The following TKFC variants were observed in gnomAD, a reference collection of about 807,000 sequenced individuals.
TKFC encodes triokinase and FMN cyclase.
TKFC carries 46 observed loss-of-function variants against 61.0 expected under a neutral mutation model. The observed-to-expected ratio is 0.75, with a 90% CI of 0.60 to 0.96. TKFC has a LOEUF of 0.96. Among genes scored for constraint, TKFC ranks in the 50% least tolerant of loss-of-function variants. The probability of loss-of-function intolerance (pLI) is 0.00; values close to 1 mark genes in which losing one functional copy is unlikely to be tolerated. For synonymous variants in TKFC, 314 were observed against 330.1 expected (o/e 0.95, Z 0.53); for missense variants, 715 against 777.5 (o/e 0.92, Z 0.96).
chr11:61,349,959 T>C (rs934465336), downstream of TKFC: 7 of 471,556 alleles, frequency 1.5e-5, no homozygotes, highest in African/African-American at 1.4e-4. Flanking sequence ...ACCACATCCC[T>C]AGGAGTCTTA....
At position 61,348,016 on chromosome 11, in the gene TKFC, T is replaced by C. The variant is rs12292734; in HGVS notation, c.*1513T>C. On this transcript the variant is annotated 3_prime_UTR_variant, in exon 18 of 18. Coordinates refer to ENST00000394900, the MANE Select transcript of TKFC (RefSeq NM_015533.4). ...CCCCGTCACCTACTTGGCCCAAATTTGGCTGCAGGCTCCCCGAGTGCCTGG... is the reference window on the plus strand; with the variant it reads ...CCCCGTCACCTACTTGGCCCAAATTCGGCTGCAGGCTCCCCGAGTGCCTGG... 4,892 of 985,378 alleles carry C rather than the reference T, an allele frequency of 5.0e-3. 206 individuals carry two copies. The African/African-American group carries it at 0.08, about 16-fold the overall frequency. 61.0% of individuals were successfully genotyped at this position (985,378 alleles called of 1,614,324 possible).
In TKFC at chr11:61,338,331, C is replaced by T. The variant is rs367842895; in HGVS notation, c.193+201C>T. 2.8e-4 allele frequency among the ~76,000 whole-genome samples: 43 copies of T among 152,306 alleles called. 1 individual carries two copies. The highest frequency in any genetic ancestry group is 3.4e-3 in the Middle Eastern group (1 of 294). ...ATCTGTTTCTACATCTACAAATCTA[C>T]GAAGTTGGGCCAAACAATCTCTCAA... On this transcript the variant is annotated intron_variant, in intron 3 of 17. Transcript: ENST00000394900.
downstream of TKFC, chr11:61,349,466 A>C (rs1322844707): frequency 1.5e-6 from 1 of 689,336 alleles, no homozygotes; most frequent in Non-Finnish European, 2.7e-6. Flanking sequence ...GCCCTGATCC[A>C]GCAAGGAGAA....
chr11:61,343,181 G>A (rs556812715), intron 10 of TKFC, 161 bp from the exon 11 acceptor site: 9 of 675,990 alleles, frequency 1.3e-5, no homozygotes, highest in African/African-American at 9.0e-5. Context: ...TCCAGGGAAC[G>A]TGGTCATTTG....
chr11:61,344,212 T>G lies in TKFC; in HGVS notation c.1179T>G (p.Asn393Lys). 6.2e-7 allele frequency: 1 copy of G among 1,612,780 alleles called. No individual in the cohort carries two copies. Among genetic ancestry groups the G allele is most frequent in the East Asian group, 2.2e-5 (1 of 44,872 alleles). Residue 393 changes from asparagine to lysine, a missense_variant, in exon 13 of 18, where the codon AAT becomes AAG. By Grantham distance (94) the Asn-to-Lys change is moderately conservative. Coordinates refer to ENST00000394900, the MANE Select transcript of TKFC (RefSeq NM_015533.4). Reference protein sequence around the residue: ...STLLGLEEHLNALDRAAGDGD... With the variant: ...STLLGLEEHLKALDRAAGDGD... ...TCCTGGGCCTGGAGGAACACCTGAA[T>G]GCCCTGGACCGGGCTGCTGGTGACG...
In TKFC at chr11:61,337,931, T is replaced by A. The variant is rs1215212257; in HGVS notation, c.4-10T>A. The stretch of plus-strand genomic sequence containing the variant: ...CACATTCTGACCTCCTTCTCACTCC[T>A]CCCTTGCAGACCTCCAAGAAGCTGG... On this transcript the variant is annotated splice_polypyrimidine_tract_variant and intron_variant, in intron 2 of 17. Transcript: ENST00000394900. The A allele has an allele frequency of 4.8e-5, 77 of 1,595,872 alleles. No individual in the cohort carries two copies. The highest frequency in any genetic ancestry group is 6.4e-5 in the Non-Finnish European group (75 of 1,172,006).
At position 61,334,718 on chromosome 11, in the gene TKFC, G is replaced by A. The variant is rs762824417; in HGVS notation, c.-11G>A. 1.2e-6 allele frequency: 2 copies of A among 1,614,106 alleles called. No homozygotes were observed. On this transcript the variant is annotated 5_prime_UTR_variant, in exon 2 of 18. Transcript: ENST00000394900. ...CGGTGTGAACTCAGCCTGTTTCAGA[G>A]CCTCCACACCATGGTGAGTCATACA...
Position 61,334,693 on chromosome 11 carries a change from C to T in TKFC, c.-36C>T, listed in dbSNP as rs200250925. The T allele has an allele frequency of 6.6e-5, 106 of 1,613,854 alleles. No individual in the cohort carries two copies. Among genetic ancestry groups the T allele is most frequent in the South Asian group, 9.9e-5 (9 of 91,052 alleles). On this transcript the variant is annotated 5_prime_UTR_variant, in exon 2 of 18. It adds an upstream start codon to the 5' untranslated region. Transcript: ENST00000394900. ...TCCATCCTCCAGCAGCTCAGTGCAA[C>T]GGTGTGAACTCAGCCTGTTTCAGAG...
In TKFC at chr11:61,347,478, G is replaced by A. The variant is rs1857185398; in HGVS notation, c.*975G>A. On this transcript the variant is annotated 3_prime_UTR_variant, in exon 18 of 18. Transcript: ENST00000394900. Reference sequence around the variant, plus strand: ...GGCTTGGGCCCAGGAGGTCGAGGCTGCGGTGAGCCATAAGCATGCCACTAT... The same window carrying A: ...GGCTTGGGCCCAGGAGGTCGAGGCTACGGTGAGCCATAAGCATGCCACTAT... 1 of 981,480 alleles carries A rather than the reference G, an allele frequency of 1.0e-6. No homozygotes were observed. Among genetic ancestry groups the A allele is most frequent in the Non-Finnish European group, 1.2e-6 (1 of 826,638 alleles). The allele number at this position is 981,480 out of a possible 1,614,324, so 60.8% of individuals were successfully genotyped here. A position where few individuals can be genotyped will look rare whatever the true frequency, so the allele number is the denominator to read the frequency against.
At chr11:61,341,295 C>T in intron 5 of TKFC, 141 bp from the exon 6 acceptor site, 1 of 883,818 alleles carries the variant, frequency 1.1e-6, no homozygotes, top group South Asian at 1.5e-5. Context: ...CTCTTCTGCC[C>T]TAAATGTGAT....
chr11:61,347,356 A>C lies in TKFC; in HGVS notation c.*853A>C, dbSNP rs1198032513. 5 of 895,586 alleles carry C rather than the reference A, an allele frequency of 5.6e-6. No homozygotes were observed. The highest frequency in any genetic ancestry group is 3.6e-5 in the African/African-American group (2 of 55,338). 55.5% of individuals were successfully genotyped at this position (895,586 alleles called of 1,614,324 possible). ...CAGGAGTTCAAGACCAGTCTGGGCA[A>C]CATGGTAAAACCCTGTCTCTACCAA... On this transcript the variant is annotated 3_prime_UTR_variant, in exon 18 of 18. Coordinates refer to ENST00000394900, the MANE Select transcript of TKFC (RefSeq NM_015533.4).
chr11:61,345,806 AC>A, intron 16 of TKFC, 50 bp from the exon 17 acceptor site: 1 of 1,613,936 alleles, frequency 6.2e-7, no homozygotes, highest in Non-Finnish European at 8.5e-7. Context: ...TCTAAAGAGC[AC>A]CCTCGGTTGC....
Position 61,346,424 on chromosome 11 carries a change from C to G in TKFC, c.1649C>G (p.Ala550Gly). ...GAGRASYISSARLEQPDPGAV... is the reference protein window; with the variant it reads ...GAGRASYISSGRLEQPDPGAV... ...GGAAGAGCCAGTTATATCAGCTCAG[C>G]ACGGCTGGAGCAGCCAGACCCCGGG... The change falls in exon 18 of 18, where the codon GCA (alanine) becomes GGA (glycine). Residue 550 changes from alanine (A) to glycine (G), a missense_variant. Physicochemically the swap from Ala to Gly is moderately conservative, Grantham distance 60 (BLOSUM62 0). Coordinates refer to ENST00000394900, the MANE Select transcript of TKFC (RefSeq NM_015533.4). This position sits in a 1 kb window ranked among gnomAD's most constrained non-coding sequence, Gnocchi z 4.1. 6.2e-7 allele frequency: 1 copy of G among 1,612,082 alleles called. No homozygotes were observed. Among genetic ancestry groups the G allele is most frequent in the Non-Finnish European group, 8.5e-7 (1 of 1,179,932 alleles).
At position 61,334,617 on chromosome 11, in the gene TKFC, C is replaced by T; in HGVS notation, c.-109-3C>T. On this transcript the variant is annotated splice_polypyrimidine_tract_variant and splice_region_variant and intron_variant, in intron 1 of 17. Transcript: ENST00000394900. ...CAGCTTGTATCGTTACCCACTCCTG[C>T]AGGTGCTGCTGCTGCCTCCACTGTA... The T allele has an allele frequency of 7.1e-7, 1 of 1,407,532 alleles. No individual in the cohort carries two copies. Among genetic ancestry groups the T allele is most frequent in the Non-Finnish European group, 1.0e-6 (1 of 1,002,280 alleles). 87.2% of individuals were successfully genotyped at this position (1,407,532 alleles called of 1,614,324 possible).
chr11:61,350,339 G>A, downstream of TKFC: 1 of 1,585,064 alleles, frequency 6.3e-7, no homozygotes, highest in African/African-American at 1.3e-5. Flanking sequence ...GAAGAGCAGA[G>A]CTTCTGAGGG....
rs1856982432 is a variant in TKFC, at chr11:61,343,842, C to T, written c.983-14C>T. 2 of 1,605,182 alleles carry T rather than the reference C, an allele frequency of 1.2e-6. No individual in the cohort carries two copies. The highest frequency in any genetic ancestry group is 2.2e-5 in the East Asian group (1 of 44,830). ...GGACAGCCGTGTCTAAGAGAGTTAT[C>T]TTGCTGCCCTTAGATGCTGAAACCA... On this transcript the variant is annotated splice_polypyrimidine_tract_variant and intron_variant, in intron 11 of 17. Transcript: ENST00000394900.
At chr11:61,350,367 C>T (rs1168026692), downstream of TKFC, 1 of 1,604,892 alleles carries the variant, frequency 6.2e-7, no homozygotes, top group East Asian at 2.2e-5. Context: ...GGCTGCACCA[C>T]CAGGAGCTCT....
chr11:61,340,134 C>T (rs1346568519), intron 5 of TKFC, among the ~76,000 whole-genome samples: 1 of 152,122 alleles, frequency 6.6e-6, no homozygotes, highest in Non-Finnish European at 1.5e-5. Context: ...CCTCAGCCTC[C>T]CGAGTAGCTG....
At chr11:61,344,359 C>CTTTT (rs56214441) in intron 13 of TKFC, 86 bp downstream of exon 13, 234 of 1,086,824 alleles carry the variant, frequency 2.2e-4, no homozygotes, top group South Asian at 1.9e-3. Context: ...AGGGACCTTC[C>CTTTT]TTTTTTTTTT....
Sources: allele counts gnomAD v4.1 joint callset (sites outside exome capture counted in the v4.1 genomes callset), GRCh38; gene constraint gnomAD v4.1.1; non-coding constraint Gnocchi (gnomAD v3.1); transcripts MANE v1.5; gene names NCBI Gene and HGNC (gene_info 2026-07-23, HGNC 2026-07-21).